EML1: variants seen among roughly 807,000 people sequenced by gnomAD.
EML1 encodes the protein EMAP like 1, also known as echinoderm microtubule-associated protein-like 1.
In EML1, 27 loss-of-function variants were observed where a neutral mutation model predicts 110.4. That is an observed-to-expected ratio of 0.24 (90% CI 0.18 to 0.34). The LOEUF is 0.34. Among genes scored for constraint, EML1 ranks in the 10% least tolerant of loss-of-function variants. EML1 has a pLI of 1.00. For synonymous variants in EML1, 344 were observed against 385.8 expected (o/e 0.89, Z 1.27); for missense variants, 741 against 1,030.9 (o/e 0.72, Z 3.85).
rs144094418 is a variant in EML1 at position 99,877,958 on chromosome 14, A to G, written c.384-527A>G. 8.9e-3 allele frequency among the ~76,000 whole-genome samples: 1,357 copies of G among 152,190 alleles called. 78 individuals carry two copies. The highest frequency in any genetic ancestry group is 0.081 in the Admixed American group (1,245 of 15,290). On this transcript the variant is annotated intron_variant, in intron 3 of 21. Transcript: ENST00000262233. Reference sequence around the variant, plus strand: ...CCACCATCTGGACCAAGGTTGTCCAACCCATGGGCCCATGGGCCTTGTGTG... The same window carrying G: ...CCACCATCTGGACCAAGGTTGTCCAGCCCATGGGCCCATGGGCCTTGTGTG...
At chr14:99,903,925 G>A (rs1404222593) in intron 9 of EML1, among the ~76,000 whole-genome samples, 1 of 151,826 alleles carries the variant, frequency 6.6e-6, no homozygotes, top group Non-Finnish European at 1.5e-5. Context: ...TAGGATTACA[G>A]GTGCACACCA....
At chr14:99,861,159 T>C (rs1018390523) in intron 2 of EML1, among the ~76,000 whole-genome samples, 1 of 152,216 alleles carries the variant, frequency 6.6e-6, no homozygotes, top group Non-Finnish European at 1.5e-5. Flanking sequence ...CCAAGTTACA[T>C]TTCCAGTGTA....
rs372392668 is a variant in EML1, at chr14:99,923,068, A to G, written c.1909+2191A>G. ...GCAATCCTCTCACCTCAGCCTCCCA[A>G]GTAGCTGGGAACACAGGCACACACC... On this transcript the variant is annotated intron_variant, in intron 17 of 21. Transcript: ENST00000262233. Among the ~76,000 whole-genome samples the G allele has an allele frequency of 1.6e-4, 24 of 152,192 alleles. No homozygotes were observed. The East Asian group carries it at 2.9e-3, about 18-fold the overall frequency.
chr14:99,748,041 G>C (rs1349581946), intron 1 of EML1, among the ~76,000 whole-genome samples: 1 of 152,192 alleles, frequency 6.6e-6, no homozygotes, highest in Non-Finnish European at 1.5e-5. Flanking sequence ...TGCGTGCCTG[G>C]GTGCCTGGGA....
intron 1 of EML1, among the ~76,000 whole-genome samples, chr14:99,848,599 G>A (rs1329553909): frequency 6.6e-6 from 1 of 151,974 alleles, no homozygotes; most frequent in Non-Finnish European, 1.5e-5. Context: ...TTATGTTATG[G>A]TACTTGTATT....
At chr14:99,831,909 A>G (rs1168394943) in intron 1 of EML1, among the ~76,000 whole-genome samples, 2 of 150,674 alleles carry the variant, frequency 1.3e-5, no homozygotes, top group Admixed American at 1.3e-4. Context: ...GTATCAACCT[A>G]TAATAATCTG....
intron 15 of EML1, among the ~76,000 whole-genome samples, chr14:99,917,247 G>A (rs2060048921): frequency 6.6e-6 from 1 of 152,238 alleles, no homozygotes; most frequent in African/African-American, 2.4e-5. Context: ...ATGAGAGGAT[G>A]TAAGACAAAA....
At chr14:99,754,731 C>T (rs914953849) in intron 1 of EML1, among the ~76,000 whole-genome samples, 3 of 152,338 alleles carry the variant, frequency 2.0e-5, no homozygotes, top group Admixed American at 6.5e-5. Context: ...TATCTCAGCA[C>T]GTCTCTCAGC....
At chr14:99,752,753 G>A (rs1038725167) in intron 1 of EML1, among the ~76,000 whole-genome samples, 2 of 152,230 alleles carry the variant, frequency 1.3e-5, no homozygotes, top group African/African-American at 2.4e-5. Context: ...CTTTAAGGAA[G>A]TGATTTATGG....
At position 99,803,133 on chromosome 14, in the gene EML1, C is replaced by T. The variant is rs555299103; in HGVS notation, c.67+9590C>T. Among the ~76,000 whole-genome samples the T allele has an allele frequency of 3.3e-5, 5 of 152,272 alleles. 1 individual carries two copies. The South Asian group carries it at 1.0e-3, about 32-fold the overall frequency. Reference sequence around the variant, plus strand: ...TGGGATCGTCTCTGTGTCTTTTGCACCTCAGCAGTGCCTGGCACGTGGTGA... The same window carrying T: ...TGGGATCGTCTCTGTGTCTTTTGCATCTCAGCAGTGCCTGGCACGTGGTGA... On this transcript the variant is annotated intron_variant, in intron 1 of 21. Transcript: ENST00000262233.
chr14:99,882,645 G>T (rs1595428995), intron 4 of EML1, among the ~76,000 whole-genome samples: 1 of 78,314 alleles, frequency 1.3e-5, no homozygotes, highest in African/African-American at 5.8e-5. Flanking sequence ...GATAGCTGAT[G>T]AGCTAAAAAA....
At chr14:99,886,135 A>G (rs886820861) in intron 4 of EML1, 3 of 245,358 alleles carry the variant, frequency 1.2e-5, no homozygotes, top group African/African-American at 2.3e-5. Flanking sequence ...TCCATGGTGG[A>G]GTATTCTGAC....
chr14:99,746,257 C>CA (rs1330626488), intron 1 of EML1, among the ~76,000 whole-genome samples: 1 of 151,900 alleles, frequency 6.6e-6, no homozygotes, highest in African/African-American at 2.4e-5. Flanking sequence ...TCACCCACCT[C>CA]AGGAGGGTCA....
intron 9 of EML1, among the ~76,000 whole-genome samples, chr14:99,904,444 A>G (rs1229504041): frequency 6.6e-6 from 1 of 152,208 alleles, no homozygotes; most frequent in Non-Finnish European, 1.5e-5. Flanking sequence ...TTCTTTATAC[A>G]CCTTACATAT....
At chr14:99,907,787 C>T in intron 10 of EML1, 54 bp downstream of exon 10, 1 of 1,572,280 alleles carries the variant, frequency 6.4e-7, no homozygotes, top group Non-Finnish European at 8.7e-7. Context: ...TTCAGAGCCG[C>T]CCTGGCATAG....
intron 1 of EML1, among the ~76,000 whole-genome samples, chr14:99,797,746 G>C (rs1257261271): frequency 1.3e-5 from 2 of 152,176 alleles, no homozygotes; most frequent in Non-Finnish European, 2.9e-5. Flanking sequence ...AAGAATCTCA[G>C]TGCCTGAACG....
intron 3 of EML1, among the ~76,000 whole-genome samples, chr14:99,875,511 G>A (rs1375764545): frequency 6.6e-6 from 1 of 152,182 alleles, no homozygotes; most frequent in Non-Finnish European, 1.5e-5. Flanking sequence ...AGTGTTTGCT[G>A]TAATTGATGA....
intron 2 of EML1, among the ~76,000 whole-genome samples, chr14:99,860,733 G>T (rs567996709): frequency 1.8e-4 from 27 of 152,250 alleles, no homozygotes; most frequent in Admixed American, 5.9e-4. Flanking sequence ...GCAGCAATTG[G>T]ATCTTGCCGA....
intron 1 of EML1, among the ~76,000 whole-genome samples, chr14:99,818,309 G>T (rs2058203392): frequency 6.6e-6 from 1 of 152,166 alleles, no homozygotes; most frequent in Non-Finnish European, 1.5e-5. Flanking sequence ...TGAGGTTGTT[G>T]CCGGAGTCCA....
Sources: allele counts gnomAD v4.1 joint callset (sites outside exome capture counted in the v4.1 genomes callset), GRCh38; gene constraint gnomAD v4.1.1; transcripts MANE v1.5; gene names NCBI Gene and HGNC (gene_info 2026-07-23, HGNC 2026-07-21).